Variants in SRGAP2C observed in about 807,000 individuals in gnomAD.
SRGAP2C encodes the protein SLIT-ROBO Rho GTPase activating protein 2C, also known as SLIT-ROBO Rho GTPase-activating protein 2C.
In SRGAP2C, 15 loss-of-function variants were observed where a neutral mutation model predicts 25.1. That is an observed-to-expected ratio of 0.60 (90% CI 0.40 to 0.92). The LOEUF is 0.92. SRGAP2C is among the 40% of genes least tolerant of loss of function. SRGAP2C has a pLI of 0.00. For missense variants in SRGAP2C, 144 were observed against 264.4 expected (o/e 0.54, Z 3.16); for synonymous variants, 44 against 96.6 (o/e 0.46, Z 3.19).
chr1:121,216,220 G>T (rs1222856701), intron 2 of SRGAP2C, among the ~76,000 whole-genome samples: 4 of 152,034 alleles, frequency 2.6e-5, no homozygotes, highest in Non-Finnish European at 5.9e-5. Flanking sequence ...TGAAGTGTTT[G>T]TACAAAGATG....
intron 3 of SRGAP2C, among the ~76,000 whole-genome samples, chr1:121,309,400 G>A (rs1401182338): frequency 7.2e-6 from 1 of 139,650 alleles, no homozygotes; most frequent in Admixed American, 7.5e-5. Flanking sequence ...AATATATCTA[G>A]CACTACAACT....
intron 3 of SRGAP2C, among the ~76,000 whole-genome samples, chr1:121,308,567 G>T (rs2101593093): frequency 6.6e-6 from 1 of 151,082 alleles, no homozygotes; most frequent in Non-Finnish European, 1.5e-5. Context: ...CTTGAGCCCA[G>T]GAGTTTGAGG....
intron 7 of SRGAP2C, among the ~76,000 whole-genome samples, chr1:121,377,250 G>A (rs1477541806): frequency 1.1e-5 from 1 of 88,336 alleles, no homozygotes; most frequent in Non-Finnish European, 2.2e-5. Context: ...TAGTAATAAA[G>A]TTTCTCATGT....
At chr1:121,217,250 G>A (rs1392900693) in intron 2 of SRGAP2C, among the ~76,000 whole-genome samples, 1 of 150,740 alleles carries the variant, frequency 6.6e-6, no homozygotes, top group Non-Finnish European at 1.5e-5. Flanking sequence ...TCAGTTTTGG[G>A]GTCTGCCTTT....
chr1:121,208,504 C>T (rs1164990222), intron 2 of SRGAP2C, among the ~76,000 whole-genome samples: 9 of 152,220 alleles, frequency 5.9e-5, no homozygotes, highest in Middle Eastern at 3.4e-3. Flanking sequence ...CCTCTGAATA[C>T]GGATGGGTAA....
chr1:121,255,449 C>G lies in SRGAP2C; in HGVS notation c.68-29354C>G, dbSNP rs151053683. On this transcript the variant is annotated intron_variant, in intron 2 of 9. Coordinates refer to ENST00000367123, the MANE Select transcript of SRGAP2C (RefSeq NM_001329984.2). The stretch of plus-strand genomic sequence containing the variant: ...ATTTCTTGGATTTTTTTTTTCTATC[C>G]CTTCATTCCGTTGATTCTGATGTCC... Among the ~76,000 whole-genome samples the G allele has an allele frequency of 2.0e-4, 31 of 151,586 alleles. No individual in the cohort carries two copies. In the East Asian group the frequency reaches 6.0e-3, roughly 29 times the overall value.
intron 2 of SRGAP2C, among the ~76,000 whole-genome samples, chr1:121,234,782 C>G (rs1286498725): frequency 6.7e-6 from 1 of 148,252 alleles, no homozygotes. Flanking sequence ...TACTTCTTTG[C>G]TAGCCTTTGT....
At chr1:121,282,568 T>C (rs1214570403) in intron 2 of SRGAP2C, among the ~76,000 whole-genome samples, 1 of 151,802 alleles carries the variant, frequency 6.6e-6, no homozygotes, top group African/African-American at 2.4e-5. Context: ...TTTTGTTGTT[T>C]GTTTGAGACG....
At chr1:121,204,317 A>G (rs1232619029) in intron 2 of SRGAP2C, among the ~76,000 whole-genome samples, 7 of 151,606 alleles carry the variant, frequency 4.6e-5, no homozygotes, top group African/African-American at 1.7e-4. Flanking sequence ...AAACTGGCAT[A>G]ATATATGTTC....
At chr1:121,289,451 C>A (rs1239478886) in intron 3 of SRGAP2C, among the ~76,000 whole-genome samples, 1 of 151,224 alleles carries the variant, frequency 6.6e-6, no homozygotes, top group Non-Finnish European at 1.5e-5. Context: ...GGCCCGCAAG[C>A]GCCGCACGCA....
intron 2 of SRGAP2C, among the ~76,000 whole-genome samples, chr1:121,201,358 T>C (rs1258207763): frequency 6.9e-6 from 1 of 144,978 alleles, no homozygotes; most frequent in East Asian, 2.0e-4. Flanking sequence ...GAAACCGATT[T>C]GTGCTGGTTA....
At chr1:121,322,130 G>T (rs1658223693) in intron 3 of SRGAP2C, among the ~76,000 whole-genome samples, 1 of 149,662 alleles carries the variant, frequency 6.7e-6, no homozygotes, top group South Asian at 2.1e-4. Flanking sequence ...GAAAGAACCA[G>T]TATAGACCCC....
chr1:121,355,172 A>G (rs1659032550), intron 4 of SRGAP2C, among the ~76,000 whole-genome samples: 5 of 147,616 alleles, frequency 3.4e-5, no homozygotes, highest in East Asian at 2.0e-4. Context: ...CATCACCCCA[A>G]TGAGAGATTT....
chr1:121,307,964 T>C (rs1168524140), intron 3 of SRGAP2C, among the ~76,000 whole-genome samples: 2 of 151,532 alleles, frequency 1.3e-5, no homozygotes, highest in African/African-American at 4.8e-5. Flanking sequence ...TTGCCTTTCA[T>C]GTGTAACCAC....
intron 3 of SRGAP2C, among the ~76,000 whole-genome samples, chr1:121,306,128 G>A: frequency 6.6e-6 from 1 of 151,936 alleles, no homozygotes; most frequent in Non-Finnish European, 1.5e-5. Flanking sequence ...TACATTTGTA[G>A]GTCAAATAAT....
chr1:121,378,007 G>A (rs1659712103), intron 7 of SRGAP2C, among the ~76,000 whole-genome samples: 1 of 152,100 alleles, frequency 6.6e-6, no homozygotes, highest in Admixed American at 6.5e-5. Flanking sequence ...AAGTGTTAGT[G>A]AGCCATTGTA....
chr1:121,212,638 A>C lies in SRGAP2C; in HGVS notation c.67+25125A>C, dbSNP rs868953742. Among the ~76,000 whole-genome samples, 596 of 151,220 alleles carry C rather than the reference A, an allele frequency of 3.9e-3. 2 individuals carry two copies. The highest frequency in any genetic ancestry group is 0.014 in the Middle Eastern group (4 of 290). On this transcript the variant is annotated intron_variant, in intron 2 of 9. Transcript: ENST00000367123. ...GAACTTCTTTGTAAGCCCACTTGAAATAATCTGGAAGAGTTTCAAGCTTTG... is the reference window on the plus strand; with the variant it reads ...GAACTTCTTTGTAAGCCCACTTGAACTAATCTGGAAGAGTTTCAAGCTTTG...
Position 121,279,916 on chromosome 1 carries a change from G to A in SRGAP2C, c.68-4887G>A, listed in dbSNP as rs1426140914. Among the ~76,000 whole-genome samples the A allele has an allele frequency of 8.8e-5, 13 of 147,916 alleles. No homozygotes were observed. In the South Asian group the frequency reaches 1.7e-3, roughly 20 times the overall value. The stretch of plus-strand genomic sequence containing the variant: ...ACGGGGAAATGGAAACCAAGAATCC[G>A]TTCCTCCTTTTGGCTCCTGTTTGTT... On this transcript the variant is annotated intron_variant, in intron 2 of 9. Transcript: ENST00000367123.
chr1:121,359,704 GT>G (rs1659143854), intron 4 of SRGAP2C, among the ~76,000 whole-genome samples: 1 of 152,208 alleles, frequency 6.6e-6, no homozygotes, highest in Admixed American at 6.5e-5. Flanking sequence ...GAGCCCAAGA[GT>G]TCAAGGCTGC....
Sources: allele counts gnomAD v4.1 joint callset (sites outside exome capture counted in the v4.1 genomes callset), GRCh38; gene constraint gnomAD v4.1.1; transcripts MANE v1.5; gene names NCBI Gene and HGNC (gene_info 2026-07-23, HGNC 2026-07-21).